CALCOCO2: variants seen among roughly 807,000 people sequenced by gnomAD.
CALCOCO2 encodes the protein calcium binding and coiled-coil domain 2.
A neutral mutation model predicts 62.5 loss-of-function variants in CALCOCO2; 42 were observed. The ratio of observed to expected loss-of-function variants is 0.67; its 90% CI spans 0.53 to 0.87. CALCOCO2 has a LOEUF of 0.87. Ranked by LOEUF, CALCOCO2 falls within the 40% of genes least tolerant of loss-of-function variation. CALCOCO2 has a pLI of 0.00. For missense variants in CALCOCO2, 456 were observed against 515.0 expected, an observed-to-expected ratio of 0.89 and a Z score of 1.11; for synonymous variants, 167 against 173.0, an observed-to-expected ratio of 0.97 and a Z score of 0.27.
chr17:48,854,033 C>T (rs1047033041), intron 9 of CALCOCO2, among the ~76,000 whole-genome samples: 2 of 151,980 alleles, frequency 1.3e-5, no homozygotes, highest in Non-Finnish European at 2.9e-5. Context: ...TCTATAGTCC[C>T]GGCTGGGTGC....
chr17:48,832,266 C>T (rs1379120238), intron 1 of CALCOCO2, among the ~76,000 whole-genome samples: 2 of 152,144 alleles, frequency 1.3e-5, no homozygotes, highest in East Asian at 1.9e-4. Context: ...TGGTGGCGGG[C>T]GCCTGTAATC....
At chr17:48,848,952 G>T in intron 4 of CALCOCO2, 1 of 442,182 alleles carries the variant, frequency 2.3e-6, no homozygotes, top group Non-Finnish European at 4.3e-6. Context: ...GCCTCAAGGA[G>T]CTAAGTCCAT....
chr17:48,861,814 G>A (rs936227188), intron 11 of CALCOCO2, among the ~76,000 whole-genome samples: 3 of 151,458 alleles, frequency 2.0e-5, no homozygotes, highest in Admixed American at 1.3e-4. Flanking sequence ...TTGAGAGGCC[G>A]AGGCAGGCGG....
At chr17:48,834,428 G>A (rs1053830146) in intron 1 of CALCOCO2, among the ~76,000 whole-genome samples, 1 of 152,112 alleles carries the variant, frequency 6.6e-6, no homozygotes, top group African/African-American at 2.4e-5. Flanking sequence ...TGGAATTTGT[G>A]CATTATTTTA....
Position 48,859,106 on chromosome 17 carries a change from G to A in CALCOCO2, c.1009-1208G>A, listed in dbSNP as rs2040289158. 2.7e-5 allele frequency among the ~76,000 whole-genome samples: 4 copies of A among 146,672 alleles called. No homozygotes were observed. The Middle Eastern group carries it at 0.015, about 543-fold the overall frequency. ...AGTAAAGCCCTCTTAAGATGATAAG[G>A]GAATTTTGCTTATTTTCTTTTTCCT... On this transcript the variant is annotated intron_variant, in intron 10 of 12. Transcript: ENST00000258947.
In CALCOCO2 at chr17:48,864,878, C is replaced by G. The variant is rs953197502; in HGVS notation, c.*1873C>G. 1 of 152,234 alleles carries G rather than the reference C, an allele frequency of 6.6e-6. No homozygotes were observed. The highest frequency in any genetic ancestry group is 1.5e-5 in the Non-Finnish European group (1 of 68,040). 9.4% of individuals were successfully genotyped at this position (152,234 alleles called of 1,614,324 possible). A position where few individuals can be genotyped will look rare whatever the true frequency, so the allele number is the denominator to read the frequency against. ...GGAGTTTTTCTGGCACATACCCTCC[C>G]TACAGAATTTCTGTTGCTCCCCAGA... On this transcript the variant is annotated 3_prime_UTR_variant, in exon 13 of 13. Coordinates refer to ENST00000258947, the MANE Select transcript of CALCOCO2 (RefSeq NM_005831.5).
In CALCOCO2 at chr17:48,852,545, G is replaced by A. The variant is rs141272627; in HGVS notation, c.742G>A (p.Val248Ile). The A allele has an allele frequency of 5.0e-6, 8 of 1,613,422 alleles. No individual in the cohort carries two copies. Among genetic ancestry groups the A allele is most frequent in the Non-Finnish European group, 6.8e-6 (8 of 1,179,552 alleles). The change falls in exon 8 of 13, where the codon GTT (valine) becomes ATT (isoleucine). Residue 248 changes from valine to isoleucine, a missense_variant. Transcript: ENST00000258947. ...TCAAGAGAAAGAAATGGAGAAGCTTGTTCAGGGAGATCAAGATAAGACAGA... is the reference window on the plus strand; with the variant it reads ...TCAAGAGAAAGAAATGGAGAAGCTTATTCAGGGAGATCAAGATAAGACAGA... ...STQEKEMEKLVQGDQDKTEQL... is the reference protein window; with the variant it reads ...STQEKEMEKLIQGDQDKTEQL...
At chr17:48,844,264 T>A (rs1328653057) in intron 2 of CALCOCO2, among the ~76,000 whole-genome samples, 1 of 152,182 alleles carries the variant, frequency 6.6e-6, no homozygotes, top group Non-Finnish European at 1.5e-5. Context: ...CATTGGTTAA[T>A]GCAGGTACAG....
At chr17:48,839,005 C>CTTT (rs560816686) in intron 1 of CALCOCO2, among the ~76,000 whole-genome samples, 36 of 145,268 alleles carry the variant, frequency 2.5e-4, no homozygotes, top group Admixed American at 7.6e-4. Flanking sequence ...CACTTTGTTT[C>CTTT]TTTTTTTTTT....
At chr17:48,845,967 G>A in intron 2 of CALCOCO2, 1 of 671,390 alleles carries the variant, frequency 1.5e-6, no homozygotes, top group South Asian at 1.8e-5. Context: ...ATTAGAGAAT[G>A]AAGAGTTGGC....
At chr17:48,837,014 G>C (rs2039902824) in intron 1 of CALCOCO2, among the ~76,000 whole-genome samples, 1 of 152,110 alleles carries the variant, frequency 6.6e-6, no homozygotes, top group Non-Finnish European at 1.5e-5. Flanking sequence ...GCCTGCCTTG[G>C]CCTCCCAGTG....
intron 2 of CALCOCO2, among the ~76,000 whole-genome samples, chr17:48,847,558 A>T (rs1009209256): frequency 1.3e-5 from 2 of 152,182 alleles, no homozygotes; most frequent in African/African-American, 4.8e-5. Context: ...ACATTTTCCC[A>T]TATGTATTTG....
chr17:48,861,249 C>A lies in CALCOCO2; in HGVS notation c.1144+800C>A, dbSNP rs143424566. ...TGGGCATAGTAGTGGACTTGGCTCA[C>A]TGCAACCTCCGTCTCCTGGGCTCAA... is the stretch of plus-strand genomic sequence containing the variant. On this transcript the variant is annotated intron_variant, in intron 11 of 12. Coordinates refer to ENST00000258947, the MANE Select transcript of CALCOCO2 (RefSeq NM_005831.5). Among the ~76,000 whole-genome samples, 55 of 152,136 alleles carry A rather than the reference C, an allele frequency of 3.6e-4. No individual in the cohort carries two copies. In the East Asian group the frequency reaches 0.01, roughly 29 times the overall value.
intron 10 of CALCOCO2, among the ~76,000 whole-genome samples, chr17:48,858,055 A>G (rs549605901): frequency 2.1e-5 from 3 of 141,966 alleles, no homozygotes; most frequent in South Asian, 4.6e-4. Context: ...AAAATAGAAT[A>G]GAATAGAATA....
rs1360959305 is a variant in CALCOCO2, at chr17:48,863,131, C to T, written c.*126C>T. 18 of 729,322 alleles carry T rather than the reference C, an allele frequency of 2.5e-5. No homozygotes were observed. Among genetic ancestry groups the T allele is most frequent in the African/African-American group, 3.5e-5 (2 of 56,876 alleles). The allele number at this position is 729,322 out of a possible 1,614,324, so 45.2% of individuals were successfully genotyped here. A position where few individuals can be genotyped will look rare whatever the true frequency, so the allele number is the denominator to read the frequency against. The stretch of plus-strand genomic sequence containing the variant: ...TTAGGGATTTACTCAGCCCTGCTGC[C>T]GCTAACAGTGGAGTTATGTCACTGA... On this transcript the variant is annotated 3_prime_UTR_variant, in exon 13 of 13. Transcript: ENST00000258947.
chr17:48,857,547 G>A (rs1433934835), intron 10 of CALCOCO2, among the ~76,000 whole-genome samples: 1 of 125,136 alleles, frequency 8.0e-6, no homozygotes, highest in Non-Finnish European at 1.6e-5. Flanking sequence ...CTGTTGCCCA[G>A]CCTGGAGTGC....
At chr17:48,844,643 G>T (rs150889430) in intron 2 of CALCOCO2, among the ~76,000 whole-genome samples, 1,871 of 152,044 alleles carry the variant, frequency 0.012, 24 homozygotes, top group Non-Finnish European at 0.02. Flanking sequence ...TCAGCCTCCC[G>T]AGTAGCTGGG....
At chr17:48,841,549 G>GA in intron 1 of CALCOCO2, 149 bp from the exon 2 acceptor site, 1 of 504,652 alleles carries the variant, frequency 2.0e-6, no homozygotes, top group South Asian at 3.3e-5. Flanking sequence ...AAGTGAAACA[G>GA]AAAGCAAGTT....
At chr17:48,840,116 G>A (rs956651230) in intron 1 of CALCOCO2, among the ~76,000 whole-genome samples, 5 of 151,774 alleles carry the variant, frequency 3.3e-5, no homozygotes, top group Admixed American at 1.3e-4. Context: ...TTCCTATTTC[G>A]TTGTTGTTGT....
Sources: gnomAD v4.1 joint callset for allele counts (sites outside exome capture counted in the v4.1 genomes callset) on GRCh38, gnomAD v4.1.1 for gene constraint, MANE v1.5 for transcripts, NCBI Gene and HGNC (gene_info 2026-07-23, HGNC 2026-07-21) for gene names.